HSF2BP: variants seen among roughly 807,000 people sequenced by gnomAD.
HSF2BP encodes heat shock factor 2-binding protein.
A neutral mutation model predicts 35.0 loss-of-function variants in HSF2BP; 35 were observed. The ratio of observed to expected loss-of-function variants is 1.00; its 90% CI spans 0.76 to 1.32. The LOEUF is 1.32. Among genes scored for constraint, HSF2BP ranks in the 40% most tolerant of loss-of-function variants. HSF2BP has a pLI of 0.00. For synonymous variants in HSF2BP, 114 were observed against 117.4 expected (o/e 0.97, Z 0.18); for missense variants, 326 against 321.7 (o/e 1.01, Z -0.10).
Position 43,613,860 on chromosome 21 carries a change from A to T in HSF2BP, c.662T>A (p.Leu221Ter). The change falls in exon 7 of 9, where the codon TTG becomes TAG. Residue 221 changes from leucine to a stop codon, truncating the protein, a stop_gained. Coordinates refer to ENST00000291560, the MANE Select transcript of HSF2BP (RefSeq NM_007031.2). LOFTEE classifies it high-confidence loss of function. ...LDTILQLLGD[L>*]KPGQCTKLKV... ...GAGTTTGGTACACTGTCCTGGCTTC[A>T]AGTCTCCCAGAAGCTGCAATATGGT... 6.2e-7 allele frequency: 1 copy of T among 1,613,522 alleles called. No individual in the cohort carries two copies. The highest frequency in any genetic ancestry group is 8.5e-7 in the Non-Finnish European group (1 of 1,179,544).
chr21:43,628,577 G>C (rs1568925156), intron 6 of HSF2BP, among the ~76,000 whole-genome samples: 2 of 152,238 alleles, frequency 1.3e-5, no homozygotes, highest in African/African-American at 4.8e-5. Context: ...ACGTGCAGCA[G>C]CAAGTGCTGA....
chr21:43,501,327 C>T, the HSF2BP span, among the ~76,000 whole-genome samples: 1 of 119,654 alleles, frequency 8.4e-6, no homozygotes, highest in African/African-American at 3.8e-5. Flanking sequence ...CCACCAGGGA[C>T]GTGTAGCATC....
intron 7 of HSF2BP, among the ~76,000 whole-genome samples, chr21:43,604,830 ACACACAC>A (rs1480431949): frequency 7.7e-6 from 1 of 130,524 alleles, no homozygotes; most frequent in African/African-American, 2.9e-5. Flanking sequence ...ATCGCACACC[ACACACAC>A]CACACATCAC....
At chr21:43,636,885 G>A (rs1326256221) in intron 4 of HSF2BP, among the ~76,000 whole-genome samples, 2 of 93,166 alleles carry the variant, frequency 2.1e-5, no homozygotes, top group African/African-American at 4.4e-5. Flanking sequence ...GCGAAACCCC[G>A]TCTCAAAACA....
intron 6 of HSF2BP, among the ~76,000 whole-genome samples, chr21:43,622,145 T>C (rs1217734854): frequency 6.6e-6 from 1 of 152,078 alleles, no homozygotes; most frequent in Non-Finnish European, 1.5e-5. Flanking sequence ...GTAAGCCTCA[T>C]GGTAACCACA....
intron 6 of HSF2BP, among the ~76,000 whole-genome samples, chr21:43,623,691 T>C (rs531933395): frequency 7.2e-5 from 11 of 152,276 alleles, no homozygotes; most frequent in African/African-American, 2.6e-4. Context: ...TCCAGAGTGG[T>C]CTTCCTTCTT....
intron 6 of HSF2BP, among the ~76,000 whole-genome samples, chr21:43,614,574 G>A (rs991598730): frequency 2.6e-5 from 4 of 152,192 alleles, no homozygotes; most frequent in East Asian, 1.9e-4. Flanking sequence ...CAAACATAAG[G>A]TGGGGGCTGA....
intron 4 of HSF2BP, among the ~76,000 whole-genome samples, chr21:43,635,843 C>T (rs563247749): frequency 4.0e-5 from 6 of 150,356 alleles, no homozygotes; most frequent in African/African-American, 1.2e-4. Flanking sequence ...GCAGGAGAAT[C>T]GCTTGAACCC....
chr21:43,584,730 C>T (rs2081824038), intron 8 of HSF2BP, among the ~76,000 whole-genome samples: 1 of 152,156 alleles, frequency 6.6e-6, no homozygotes, highest in African/African-American at 2.4e-5. Flanking sequence ...AAGGTCAAAA[C>T]AATTTTCCTT....
At chr21:43,505,379 GC>G in the HSF2BP span, among the ~76,000 whole-genome samples, 2 of 110,374 alleles carry the variant, frequency 1.8e-5, no homozygotes, top group Non-Finnish European at 3.8e-5. Context: ...CAGTCTTAAC[GC>G]TATGCAGCAC....
intron 6 of HSF2BP, among the ~76,000 whole-genome samples, chr21:43,621,085 A>G (rs1421678507): frequency 1.3e-5 from 2 of 152,378 alleles, no homozygotes; most frequent in East Asian, 3.9e-4. Context: ...AGAACACCAG[A>G]GTCAACTTAA....
chr21:43,655,850 T>A (rs1259788509), intron 3 of HSF2BP, among the ~76,000 whole-genome samples: 1 of 152,198 alleles, frequency 6.6e-6, no homozygotes, highest in Non-Finnish European at 1.5e-5. Context: ...CGTTTGCACA[T>A]GCCAGAAACT....
At chr21:43,587,259 T>G (rs2081863566) in intron 8 of HSF2BP, among the ~76,000 whole-genome samples, 2 of 152,184 alleles carry the variant, frequency 1.3e-5, no homozygotes, top group Admixed American at 1.3e-4. Context: ...TTGTTTGACT[T>G]TAGAACAAAT....
At chr21:43,651,712 C>G (rs2082788641) in intron 3 of HSF2BP, among the ~76,000 whole-genome samples, 1 of 152,202 alleles carries the variant, frequency 6.6e-6, no homozygotes, top group Admixed American at 6.5e-5. Context: ...CAAACACTAG[C>G]TGATGAACCT....
intron 5 of HSF2BP, among the ~76,000 whole-genome samples, chr21:43,632,049 TCCCCCCC>T (rs140069817): frequency 1.1e-4 from 1 of 9,282 alleles, no homozygotes; most frequent in African/African-American, 3.0e-4. Flanking sequence ...ACACACACGC[TCCCCCCC>T]CACACACGCT....
intron 4 of HSF2BP, among the ~76,000 whole-genome samples, chr21:43,634,189 G>A (rs2082521987): frequency 6.6e-6 from 1 of 152,116 alleles, no homozygotes; most frequent in African/African-American, 2.4e-5. Context: ...AGTGTCTGAG[G>A]TGACCTGTAG....
At chr21:43,637,117 T>C (rs1050770499) in intron 4 of HSF2BP, among the ~76,000 whole-genome samples, 7 of 151,738 alleles carry the variant, frequency 4.6e-5, no homozygotes, top group African/African-American at 1.7e-4. Context: ...GGCGAAACCC[T>C]GCATCTATAA....
intron 3 of HSF2BP, among the ~76,000 whole-genome samples, chr21:43,647,533 T>C (rs1477737107): frequency 1.3e-5 from 2 of 152,204 alleles, no homozygotes; most frequent in African/African-American, 2.4e-5. Flanking sequence ...ACGCAGTCCA[T>C]AATCCTTTCT....
chr21:43,623,343 G>A (rs2082352614), intron 6 of HSF2BP, among the ~76,000 whole-genome samples: 1 of 152,064 alleles, frequency 6.6e-6, no homozygotes, highest in Non-Finnish European at 1.5e-5. Flanking sequence ...AGCAATAAAT[G>A]CCTGTATCAA....
Sources: allele counts gnomAD v4.1 joint callset (sites outside exome capture counted in the v4.1 genomes callset), GRCh38; gene constraint gnomAD v4.1.1; transcripts MANE v1.5; gene names NCBI Gene and HGNC (gene_info 2026-07-23, HGNC 2026-07-21).